ENAH: variants seen among roughly 807,000 people sequenced by gnomAD.
ENAH encodes the protein ENAH actin regulator, also known as protein enabled homolog.
In ENAH, 23 loss-of-function variants were observed where a neutral mutation model predicts 78.7. The ratio of observed to expected loss-of-function variants is 0.29; its 90% CI spans 0.21 to 0.41. The LOEUF (loss-of-function observed/expected upper bound fraction) is 0.41. Among genes scored for constraint, ENAH ranks in the 10% least tolerant of loss-of-function variants. ENAH has a pLI of 1.00. For missense variants in ENAH, 544 were observed against 691.0 expected (o/e 0.79, Z 2.39); for synonymous variants, 226 against 241.0 (o/e 0.94, Z 0.58).
chr1:225,528,998 C>G (rs2096525029), intron 4 of ENAH, among the ~76,000 whole-genome samples: 1 of 152,090 alleles, frequency 6.6e-6, no homozygotes, highest in Non-Finnish European at 1.5e-5. Flanking sequence ...GGGGAAGCCA[C>G]CATTATCTCC....
In ENAH at chr1:225,511,778, T is replaced by C. The variant is rs766478033; in HGVS notation, c.1471+33A>G. ...GGGAGTATTAATATTTAGAGAAAGT[T>C]TATAAAGGTTAAAATATTTATCTTG... On this transcript the variant is annotated intron_variant, in intron 10 of 13. Coordinates refer to ENST00000366843, the MANE Select transcript of ENAH (RefSeq NM_018212.6). 78 of 1,513,368 alleles carry C rather than the reference T, an allele frequency of 5.2e-5. 1 individual carries two copies. The highest frequency in any genetic ancestry group is 6.4e-5 in the Non-Finnish European group (70 of 1,100,686). 93.7% of individuals were successfully genotyped at this position (1,513,368 alleles called of 1,614,324 possible).
Position 225,590,032 on chromosome 1 carries a change from A to G in ENAH, c.6-22618T>C, listed in dbSNP as rs190831521. Among the ~76,000 whole-genome samples, 371 of 151,864 alleles carry G rather than the reference A, an allele frequency of 2.4e-3. 1 individual carries two copies. The highest frequency in any genetic ancestry group is 8.8e-3 in the African/African-American group (363 of 41,432). On this transcript the variant is annotated intron_variant, in intron 1 of 13. Coordinates refer to ENST00000366843, the MANE Select transcript of ENAH (RefSeq NM_018212.6). Reference sequence around the variant, plus strand: ...GGTTGAGAAACAACATATAAATGATAATAAAATTTGGTAGATGCTGTGGTG... The same window carrying G: ...GGTTGAGAAACAACATATAAATGATGATAAAATTTGGTAGATGCTGTGGTG...
chr1:225,600,523 T>A (rs569448468), intron 1 of ENAH, among the ~76,000 whole-genome samples: 6 of 152,278 alleles, frequency 3.9e-5, no homozygotes, highest in Admixed American at 1.3e-4. Flanking sequence ...ACCAACCTAA[T>A]ACAAAGGCCT....
At chr1:225,556,047 G>GAACAAACCACA (rs2096665092) in intron 2 of ENAH, among the ~76,000 whole-genome samples, 3 of 152,166 alleles carry the variant, frequency 2.0e-5, no homozygotes, top group Admixed American at 2.0e-4. Context: ...ATGCAGCTGT[G>GAACAAACCACA]GTTTGTTCAT....
chr1:225,575,028 T>C (rs1254819315), intron 1 of ENAH, among the ~76,000 whole-genome samples: 1 of 152,186 alleles, frequency 6.6e-6, no homozygotes, highest in Non-Finnish European at 1.5e-5. Flanking sequence ...TATACTGTGT[T>C]AAGCACTAGA....
chr1:225,602,765 G>T (rs186930098), intron 1 of ENAH, among the ~76,000 whole-genome samples: 269 of 152,094 alleles, frequency 1.8e-3, no homozygotes, highest in Non-Finnish European at 3.2e-3. Context: ...CATTTGAAAA[G>T]AAAGAGAGAA....
At chr1:225,574,144 T>C (rs1309973108) in intron 1 of ENAH, among the ~76,000 whole-genome samples, 1 of 152,228 alleles carries the variant, frequency 6.6e-6, no homozygotes, top group East Asian at 1.9e-4. Flanking sequence ...TTCTCTGATA[T>C]CAATTTATTG....
chr1:225,534,771 T>C (rs964272447), intron 3 of ENAH, among the ~76,000 whole-genome samples: 1 of 152,056 alleles, frequency 6.6e-6, no homozygotes, highest in African/African-American at 2.4e-5. Context: ...CAGAAACAAA[T>C]GGAAATAAAA....
intron 1 of ENAH, among the ~76,000 whole-genome samples, chr1:225,650,616 C>T (rs1341677030): frequency 1.3e-5 from 2 of 151,776 alleles, no homozygotes; most frequent in East Asian, 1.9e-4. Context: ...TTTGGGAGGC[C>T]GAAGCTGGTG....
At chr1:225,499,246 C>G (rs747736243) in intron 12 of ENAH, among the ~76,000 whole-genome samples, 1 of 151,156 alleles carries the variant, frequency 6.6e-6, no homozygotes. Context: ...CCAGCCTCGG[C>G]GACAAAGCGA....
At chr1:225,615,191 C>T (rs901943014) in intron 1 of ENAH, among the ~76,000 whole-genome samples, 8 of 152,176 alleles carry the variant, frequency 5.3e-5, no homozygotes, top group Non-Finnish European at 4.4e-5. Flanking sequence ...TGCAGGCGCG[C>T]GCCGCCACGC....
At chr1:225,517,787 C>T in intron 5 of ENAH, 6 of 1,551,138 alleles carry the variant, frequency 3.9e-6, no homozygotes, top group Non-Finnish European at 4.4e-6. Flanking sequence ...AAAGATGTTG[C>T]AAAACGTGTC....
intron 1 of ENAH, among the ~76,000 whole-genome samples, chr1:225,649,491 A>G (rs988727814): frequency 2.0e-5 from 3 of 152,202 alleles, no homozygotes; most frequent in African/African-American, 7.2e-5. Context: ...AAACGCATTC[A>G]CATACATACA....
At chr1:225,566,754 T>C (rs1447898467) in intron 2 of ENAH, among the ~76,000 whole-genome samples, 1 of 152,214 alleles carries the variant, frequency 6.6e-6, no homozygotes, top group Non-Finnish European at 1.5e-5. Flanking sequence ...AGTAAAAGCT[T>C]AGCTGTCGCC....
intron 5 of ENAH, 39 bp downstream of exon 5, chr1:225,519,159 T>C (rs2096445535): frequency 6.3e-7 from 1 of 1,598,562 alleles, no homozygotes. Context: ...TCATCCAAGC[T>C]CAGATACAAG....
intron 1 of ENAH, among the ~76,000 whole-genome samples, chr1:225,568,030 A>C (rs917358170): frequency 6.6e-6 from 1 of 152,204 alleles, no homozygotes; most frequent in Non-Finnish European, 1.5e-5. Flanking sequence ...GCCTTGGGCA[A>C]GATAACATCT....
chr1:225,511,728 T>C (rs2096378193), intron 10 of ENAH, 83 bp downstream of exon 10: 2 of 970,976 alleles, frequency 2.1e-6, no homozygotes, highest in Non-Finnish European at 3.1e-6. Context: ...GGTCCAAATA[T>C]GGGGAAAGGG....
intron 1 of ENAH, among the ~76,000 whole-genome samples, chr1:225,588,543 C>T (rs1283229351): frequency 6.6e-6 from 1 of 152,210 alleles, no homozygotes; most frequent in Non-Finnish European, 1.5e-5. Flanking sequence ...GGCATAGTGG[C>T]TCACGCCTGT....
chr1:225,537,846 A>G (rs538130065), intron 3 of ENAH, among the ~76,000 whole-genome samples: 1 of 152,224 alleles, frequency 6.6e-6, no homozygotes, highest in Admixed American at 6.5e-5. Flanking sequence ...AGGGAAATGT[A>G]GAAACGCTGG....
Sources: gnomAD v4.1 joint callset for allele counts (sites outside exome capture counted in the v4.1 genomes callset) on GRCh38, gnomAD v4.1.1 for gene constraint, MANE v1.5 for transcripts, NCBI Gene and HGNC (gene_info 2026-07-23, HGNC 2026-07-21) for gene names.